The following ARRB2 variants were observed in gnomAD, a reference collection of about 807,000 sequenced individuals.
ARRB2 encodes the protein arrestin beta 2, also known as beta-arrestin-2.
ARRB2 carries 21 observed loss-of-function variants against 53.4 expected under a neutral mutation model. The ratio of observed to expected loss-of-function variants is 0.39; its 90% CI spans 0.28 to 0.57. The LOEUF (loss-of-function observed/expected upper bound fraction) is 0.57, where lower values mean the gene tolerates loss of function less well. Ranked by LOEUF, ARRB2 falls within the 20% of genes least tolerant of loss-of-function variation. ARRB2 has a pLI of 0.55. For missense variants in ARRB2, 369 were observed against 527.5 expected (o/e 0.70, Z 2.94); for synonymous variants, 180 against 212.9 (o/e 0.85, Z 1.34).
chr17:4,719,534 T>C (rs537393927), intron 11 of ARRB2, 114 bp downstream of exon 11: 1 of 1,440,868 alleles, frequency 6.9e-7, no homozygotes, highest in African/African-American at 1.4e-5. Context: ...AAAAGAACTC[T>C]TACATTCTAG....
chr17:4,719,119 G>C (rs542361518), intron 10 of ARRB2, among the ~76,000 whole-genome samples, 164 bp from the exon 11 acceptor site: 41 of 152,310 alleles, frequency 2.7e-4, no homozygotes, highest in Admixed American at 3.9e-4. Context: ...CAGGCTCCAG[G>C]CTGTTAATTT....
chr17:4,716,554 G>A lies in ARRB2; in HGVS notation c.303G>A (p.Leu101=), dbSNP rs1322366791. 5 of 1,376,132 alleles carry A rather than the reference G, an allele frequency of 3.6e-6. No individual in the cohort carries two copies. The highest frequency in any genetic ancestry group is 4.8e-6 in the Non-Finnish European group (5 of 1,034,486). 85.2% of individuals were successfully genotyped at this position (1,376,132 alleles called of 1,614,324 possible). A position where few individuals can be genotyped will look rare whatever the true frequency, so the allele number is the denominator to read the frequency against. ...ACCCACCCCGGCCCCCCACCCGCCT[G>A]CAGGACCGGCTGCTGAGGAAGCTGG... ...VPNPPRPPTR[L]QDRLLRKLGQ... is the part of the protein sequence containing the mutation. The change falls in exon 5 of 15, where the codon CTG becomes CTA. Residue 101 remains leucine, a synonymous_variant. Transcript: ENST00000269260.
At position 4,719,357 on chromosome 17, in the gene ARRB2, A is replaced by G. The variant is rs1423023351; in HGVS notation, c.854A>G (p.Lys285Arg). 6.2e-7 allele frequency: 1 copy of G among 1,614,156 alleles called. No homozygotes were observed. Among genetic ancestry groups the G allele is most frequent in the Non-Finnish European group, 8.5e-7 (1 of 1,180,012 alleles). The change falls in exon 11 of 15, where the codon AAG (lysine) becomes AGG (arginine). Residue 285 changes from lysine to arginine, a missense_variant. Transcript: ENST00000269260. Reference sequence around the variant, plus strand: ...CCACTGCTCAGCGACAACCGGGAGAAGCGGGGTCTCGCCCTGGATGGGAAA... The same window carrying G: ...CCACTGCTCAGCGACAACCGGGAGAGGCGGGGTCTCGCCCTGGATGGGAAA... ...ITPLLSDNRE[K>R]RGLALDGKLK...
At chr17:4,718,530 G>T in intron 9 of ARRB2, 82 bp from the exon 10 acceptor site, 1 of 1,432,852 alleles carries the variant, frequency 7.0e-7, no homozygotes, top group Non-Finnish European at 9.7e-7. Context: ...GCATGGGGGG[G>T]CCACGCCACG....
intron 11 of ARRB2, among the ~76,000 whole-genome samples, chr17:4,719,627 AGAAG>A (rs2078603765): frequency 1.3e-5 from 2 of 152,108 alleles, no homozygotes; most frequent in African/African-American, 4.8e-5. Flanking sequence ...AGCCAGGCAG[AGAAG>A]GAAGGGATGG....
intron 1 of ARRB2, among the ~76,000 whole-genome samples, chr17:4,711,190 C>T (rs926946374): frequency 6.6e-6 from 1 of 152,112 alleles, no homozygotes; most frequent in African/African-American, 2.4e-5. Context: ...CCACACCTGT[C>T]CCGAGGGCCG....
At chr17:4,718,717 A>C (rs202087979) in intron 10 of ARRB2, 33 bp downstream of exon 10, 2 of 1,588,786 alleles carry the variant, frequency 1.3e-6, no homozygotes, top group African/African-American at 2.7e-5. Context: ...GTTCCAATCT[A>C]GGGGAGAAGA....
rs1257096215 is a variant in ARRB2 at position 4,717,252 on chromosome 17, G to C, written c.393G>C (p.Gln131His). 2 of 1,614,042 alleles carry C rather than the reference G, an allele frequency of 1.2e-6. No individual in the cohort carries two copies. Among genetic ancestry groups the C allele is most frequent in the Admixed American group, 3.3e-5 (2 of 59,996 alleles). ...ATCTTCCATGCTCCGTCACACTGCA[G>C]CCAGGCCCAGAGGATACAGGAAAGG... ...PQNLPCSVTL[Q>H]PGPEDTGKAC... is the part of the protein sequence containing the mutation. The change falls in exon 6 of 15, where the codon CAG (glutamine) becomes CAC (histidine). Residue 131 changes from glutamine to histidine, a missense_variant. Coordinates refer to ENST00000269260, the MANE Select transcript of ARRB2 (RefSeq NM_004313.4). The surrounding 1 kb of genome is among the most constrained non-coding windows in gnomAD (Gnocchi z 6.0).
intron 8 of ARRB2, 94 bp from the exon 9 acceptor site, chr17:4,718,167 G>T: frequency 6.5e-7 from 1 of 1,543,772 alleles, no homozygotes. Context: ...TTTGAGGGGA[G>T]GGGGCCAGAA....
At chr17:4,716,098 A>T (rs376337984) in intron 3 of ARRB2, 49 bp from the exon 4 acceptor site, 3 of 1,614,058 alleles carry the variant, frequency 1.9e-6, no homozygotes, top group Non-Finnish European at 2.5e-6. Flanking sequence ...GGCCCAGGAA[A>T]GCGGGGAGCG....
chr17:4,712,460 G>A (rs1436410625), intron 1 of ARRB2, among the ~76,000 whole-genome samples: 41 of 152,248 alleles, frequency 2.7e-4, no homozygotes, highest in Admixed American at 2.7e-3. Flanking sequence ...AGACCAGATG[G>A]AAAGATGGTT....
At chr17:4,713,316 G>C (rs140857212) in intron 1 of ARRB2, among the ~76,000 whole-genome samples, 2,256 of 151,908 alleles carry the variant, frequency 0.015, 54 homozygotes, top group African/African-American at 0.047. Flanking sequence ...CCAACATGGG[G>C]AAACCCCATC....
Position 4,713,030 on chromosome 17 carries a change from C to A in ARRB2, c.24-1983C>A, listed in dbSNP as rs561867171. Among the ~76,000 whole-genome samples, 4 of 152,202 alleles carry A rather than the reference C, an allele frequency of 2.6e-5. No individual in the cohort carries two copies. In the South Asian group the frequency reaches 6.2e-4, roughly 24 times the overall value. The stretch of plus-strand genomic sequence containing the variant: ...TTGAGACAAAGTCTTGCTCTGTCAC[C>A]CAGGCTGGAGTGCAGTGGCTCAATC... On this transcript the variant is annotated intron_variant, in intron 1 of 14. Transcript: ENST00000269260.
At position 4,717,094 on chromosome 17, in the gene ARRB2, A is replaced by C. The variant is rs1375554932; in HGVS notation, c.358-123A>C. On this transcript the variant is annotated intron_variant, in intron 5 of 14. Coordinates refer to ENST00000269260, the MANE Select transcript of ARRB2 (RefSeq NM_004313.4). This position sits in a 1 kb window ranked among gnomAD's most constrained non-coding sequence, Gnocchi z 6.0. ...GGTGATCCGCCCACCTTAGCCTTCC[A>C]AAGTGTTGGGATTACAGGCATGAGC... 1.7e-6 allele frequency: 2 copies of C among 1,157,900 alleles called. No individual in the cohort carries two copies. Among genetic ancestry groups the C allele is most frequent in the Non-Finnish European group, 2.6e-6 (2 of 775,250 alleles). 71.7% of individuals were successfully genotyped at this position (1,157,900 alleles called of 1,614,324 possible).
At position 4,718,692 on chromosome 17, in the gene ARRB2, T is replaced by C. The variant is rs766053595; in HGVS notation, c.779+8T>C. 9 of 1,612,534 alleles carry C rather than the reference T, an allele frequency of 5.6e-6. No homozygotes were observed. In the East Asian group the frequency reaches 2.0e-4, roughly 36 times the overall value. ...GGCTCAACTCGAACAAGAGTGAGTA[T>C]CGGGAGAGACCCATGTTCCAATCTA... is the stretch of plus-strand genomic sequence containing the variant. On this transcript the variant is annotated splice_region_variant and intron_variant, in intron 10 of 14. Coordinates refer to ENST00000269260, the MANE Select transcript of ARRB2 (RefSeq NM_004313.4).
intron 2 of ARRB2, chr17:4,715,594 C>T: frequency 5.8e-6 from 2 of 347,462 alleles, no homozygotes; most frequent in South Asian, 2.7e-5. Context: ...CACGGACACA[C>T]ACAAACACAC....
chr17:4,720,511 C>T, intron 13 of ARRB2, 39 bp downstream of exon 13: 1 of 1,594,180 alleles, frequency 6.3e-7, no homozygotes. Flanking sequence ...AGAGGGAGGG[C>T]CTGAAGCAGG....
In ARRB2 at chr17:4,717,413, T is replaced by C. The variant is rs1049384165; in HGVS notation, c.417+137T>C. The C allele has an allele frequency of 1.8e-6, 2 of 1,120,180 alleles. No homozygotes were observed. Among genetic ancestry groups the C allele is most frequent in the South Asian group, 1.3e-5 (1 of 79,028 alleles). 69.4% of individuals were successfully genotyped at this position (1,120,180 alleles called of 1,614,324 possible). ...GGTAGGCCAGTGTCCCCCGTGGAAG[T>C]GGGGCGTATGTGGTGGTCATTGTGC... On this transcript the variant is annotated intron_variant, in intron 6 of 14. Transcript: ENST00000269260. This position sits in a 1 kb window ranked among gnomAD's most constrained non-coding sequence, Gnocchi z 6.0.
At chr17:4,714,080 GTGC>G (rs1374697473) in intron 1 of ARRB2, among the ~76,000 whole-genome samples, 1 of 108,046 alleles carries the variant, frequency 9.3e-6, no homozygotes, top group Non-Finnish European at 2.1e-5. Context: ...GGCTGGCATT[GTGC>G]TGGAGATGCC....
Sources: gnomAD v4.1 joint callset for allele counts (sites outside exome capture counted in the v4.1 genomes callset) on GRCh38, gnomAD v4.1.1 for gene constraint, Gnocchi (gnomAD v3.1) non-coding constraint, MANE v1.5 for transcripts, NCBI Gene and HGNC (gene_info 2026-07-23, HGNC 2026-07-21) for gene names.